Variants in ACVR1C observed in about 807,000 individuals in gnomAD.
ACVR1C encodes activin receptor type-1C.
In ACVR1C, 23 loss-of-function variants were observed where a neutral mutation model predicts 57.9. The ratio of observed to expected loss-of-function variants is 0.40; its 90% CI spans 0.29 to 0.56. The LOEUF is 0.56. Ranked by LOEUF, ACVR1C falls within the 20% of genes least tolerant of loss-of-function variation. The probability of loss-of-function intolerance (pLI) is 0.50; values close to 1 mark genes in which losing one functional copy is unlikely to be tolerated. For missense variants in ACVR1C, 480 were observed against 607.9 expected, an observed-to-expected ratio of 0.79 and a Z score of 2.21; for synonymous variants, 214 against 215.3, an observed-to-expected ratio of 0.99 and a Z score of 0.05.
intron 8 of ACVR1C, among the ~76,000 whole-genome samples, chr2:157,534,804 C>T (rs1420462389): frequency 1.3e-5 from 2 of 152,066 alleles, no homozygotes; most frequent in African/African-American, 2.4e-5. Flanking sequence ...TCTAGAACTT[C>T]GGAACTGATG....
rs148973387 is a variant in ACVR1C, at chr2:157,594,840, C to A, written c.74-7423G>T. On this transcript the variant is annotated intron_variant, in intron 1 of 8. Transcript: ENST00000243349. ...ATGTTTCCCAATAATATTTCAATGGCTGACAGCAATTAGAGCTTAAAACTG... is the reference window on the plus strand; with the variant it reads ...ATGTTTCCCAATAATATTTCAATGGATGACAGCAATTAGAGCTTAAAACTG... Among the ~76,000 whole-genome samples, 444 of 152,298 alleles carry A rather than the reference C, an allele frequency of 2.9e-3. 1 individual carries two copies. The highest frequency in any genetic ancestry group is 9.9e-3 in the African/African-American group (412 of 41,554).
Position 157,587,170 on chromosome 2 carries a change from A to G in ACVR1C, c.304+17T>C, listed in dbSNP as rs375063440. 7.6e-5 allele frequency: 121 copies of G among 1,582,634 alleles called. No homozygotes were observed. The highest frequency in any genetic ancestry group is 1.0e-4 in the Non-Finnish European group (116 of 1,151,960). ...GAGTAAAATTAAATTCGGAATGAACAAAGATAAACCCCTTACCTGTTGGAA... is the reference window on the plus strand; with the variant it reads ...GAGTAAAATTAAATTCGGAATGAACGAAGATAAACCCCTTACCTGTTGGAA... On this transcript the variant is annotated intron_variant, in intron 2 of 8. Coordinates refer to ENST00000243349, the MANE Select transcript of ACVR1C (RefSeq NM_145259.3).
chr2:157,550,125 AT>A, intron 4 of ACVR1C, 36 bp downstream of exon 4: 2 of 1,594,472 alleles, frequency 1.3e-6, no homozygotes, highest in Non-Finnish European at 1.7e-6. Flanking sequence ...TCTAGACAGC[AT>A]TTTTTACTTG....
chr2:157,577,541 A>C (rs1218403679), intron 2 of ACVR1C, among the ~76,000 whole-genome samples: 3 of 152,166 alleles, frequency 2.0e-5, no homozygotes, highest in African/African-American at 7.2e-5. Context: ...TTTTTGCATT[A>C]AATTCTGTTT....
At chr2:157,589,446 T>A (rs767240674) in intron 1 of ACVR1C, among the ~76,000 whole-genome samples, 35 of 151,990 alleles carry the variant, frequency 2.3e-4, no homozygotes, top group Non-Finnish European at 4.6e-4. Flanking sequence ...CTTTTTTGGA[T>A]GTATACTTTG....
In ACVR1C at chr2:157,532,219, G is replaced by T. The variant is rs1251399656; in HGVS notation, c.*1699C>A. 1 of 151,930 alleles carries T rather than the reference G, an allele frequency of 6.6e-6. No homozygotes were observed. The highest frequency in any genetic ancestry group is 1.5e-5 in the Non-Finnish European group (1 of 67,958). The allele number at this position is 151,930 out of a possible 1,614,324, so 9.4% of individuals were successfully genotyped here. A position where few individuals can be genotyped will look rare whatever the true frequency, so the allele number is the denominator to read the frequency against. On this transcript the variant is annotated 3_prime_UTR_variant, in exon 9 of 9. Coordinates refer to ENST00000243349, the MANE Select transcript of ACVR1C (RefSeq NM_145259.3). ...AATACAGAAGTATATCCTTCAGAACGCTATTACCCAAGCTGTGCTTTGCTT... is the reference window on the plus strand; with the variant it reads ...AATACAGAAGTATATCCTTCAGAACTCTATTACCCAAGCTGTGCTTTGCTT...
chr2:157,550,260 G>C lies in ACVR1C; in HGVS notation c.677C>G (p.Ser226Cys). The C allele has an allele frequency of 6.2e-7, 1 of 1,614,070 alleles. No homozygotes were observed. Among genetic ancestry groups the C allele is most frequent in the Non-Finnish European group, 8.5e-7 (1 of 1,180,040 alleles). ...GEDVAVKIFS[S>C]RDERSWFREA... Reference sequence around the variant, plus strand: ...ACGAAACCAAGATCTTTCATCTCTGGAGGAGAATATTTTCACAGCCACATC... The same window carrying C: ...ACGAAACCAAGATCTTTCATCTCTGCAGGAGAATATTTTCACAGCCACATC... The change falls in exon 4 of 9, where the codon TCC (serine) becomes TGC (cysteine). Residue 226 changes from serine (S) to cysteine (C), a missense_variant. Physicochemically the swap from Ser to Cys is moderately radical, Grantham distance 112 (BLOSUM62 -1). Coordinates refer to ENST00000243349, the MANE Select transcript of ACVR1C (RefSeq NM_145259.3).
intron 7 of ACVR1C, among the ~76,000 whole-genome samples, chr2:157,538,926 A>G (rs887252138): frequency 6.7e-6 from 1 of 149,990 alleles, no homozygotes; most frequent in East Asian, 1.9e-4. Context: ...TGTTTTCATA[A>G]CTGTAAAATT....
chr2:157,566,594 G>C lies in ACVR1C; in HGVS notation c.305-10262C>G, dbSNP rs1688389166. Among the ~76,000 whole-genome samples the C allele has an allele frequency of 2.6e-5, 4 of 152,238 alleles. No homozygotes were observed. The East Asian group carries it at 7.8e-4, about 30-fold the overall frequency. ...GTTCCCTTTCTGAGTCAAAGAAAGG[G>C]GTGATGGACGCACCTGGAAAATCGG... On this transcript the variant is annotated intron_variant, in intron 2 of 8. Coordinates refer to ENST00000243349, the MANE Select transcript of ACVR1C (RefSeq NM_145259.3).
chr2:157,601,494 A>T (rs1385018256), intron 1 of ACVR1C, among the ~76,000 whole-genome samples: 1 of 152,202 alleles, frequency 6.6e-6, no homozygotes, highest in Non-Finnish European at 1.5e-5. Flanking sequence ...GAAAGAAGTT[A>T]TAGGACCTCC....
intron 2 of ACVR1C, among the ~76,000 whole-genome samples, chr2:157,585,578 C>G (rs963224269): frequency 2.6e-5 from 4 of 152,094 alleles, no homozygotes; most frequent in Non-Finnish European, 5.9e-5. Context: ...GGATCATTCA[C>G]TATTGGGAAG....
intron 1 of ACVR1C, among the ~76,000 whole-genome samples, chr2:157,627,329 A>G (rs973685052): frequency 2.0e-5 from 3 of 152,152 alleles, no homozygotes; most frequent in Admixed American, 6.5e-5. Context: ...AAATTTATTA[A>G]CTCTAAATGC....
chr2:157,601,678 T>A (rs1344128972), intron 1 of ACVR1C, among the ~76,000 whole-genome samples: 2 of 152,204 alleles, frequency 1.3e-5, no homozygotes, highest in Non-Finnish European at 2.9e-5. Flanking sequence ...ATTGTTGGAA[T>A]TCAGCAAGGT....
intron 2 of ACVR1C, among the ~76,000 whole-genome samples, chr2:157,586,196 T>A (rs1688917935): frequency 6.6e-6 from 1 of 152,150 alleles, no homozygotes; most frequent in African/African-American, 2.4e-5. Context: ...TACATAGTTA[T>A]CTTCTATTTA....
At position 157,544,434 on chromosome 2, in the gene ACVR1C, G is replaced by A; in HGVS notation, c.943+11C>T. The A allele has an allele frequency of 1.3e-6, 2 of 1,595,406 alleles. No individual in the cohort carries two copies. Among genetic ancestry groups the A allele is most frequent in the Admixed American group, 1.8e-5 (1 of 56,160 alleles). On this transcript the variant is annotated intron_variant, in intron 5 of 8. Transcript: ENST00000243349. ...TTCAAAGTGGAAAAAAAATGAAAAG[G>A]AAATACATACCTTGTGTACCAACAA...
intron 1 of ACVR1C, among the ~76,000 whole-genome samples, chr2:157,622,050 C>T (rs909781880): frequency 6.6e-6 from 1 of 152,038 alleles, no homozygotes; most frequent in Non-Finnish European, 1.5e-5. Context: ...TTCCTAGGTC[C>T]CATTAGCAAA....
chr2:157,567,508 G>A (rs1688423255), intron 2 of ACVR1C, among the ~76,000 whole-genome samples: 1 of 25,912 alleles, frequency 3.9e-5, no homozygotes, highest in Non-Finnish European at 7.3e-5. Context: ...AACCAATACA[G>A]AGAAGTGCTT....
chr2:157,624,705 C>T (rs796237662), intron 1 of ACVR1C, among the ~76,000 whole-genome samples: 30 of 152,176 alleles, frequency 2.0e-4, no homozygotes, highest in African/African-American at 4.8e-4. Context: ...AAGACAGTAA[C>T]GGAGCTAGAA....
At chr2:157,555,866 A>T (rs576493474) in intron 3 of ACVR1C, among the ~76,000 whole-genome samples, 2 of 152,286 alleles carry the variant, frequency 1.3e-5, no homozygotes, top group African/African-American at 4.8e-5. Context: ...TGAATGTAAG[A>T]ATCTGAACAC....
Sources: gnomAD v4.1 joint callset for allele counts (sites outside exome capture counted in the v4.1 genomes callset) on GRCh38, gnomAD v4.1.1 for gene constraint, MANE v1.5 for transcripts, NCBI Gene and HGNC (gene_info 2026-07-23, HGNC 2026-07-21) for gene names.